SFT2D1: variants seen among roughly 807,000 people sequenced by gnomAD.
The protein encoded by SFT2D1 is SFT2 domain containing 1, also known as vesicle transport protein SFT2A.
A neutral mutation model predicts 28.1 loss-of-function variants in SFT2D1; 24 were observed. The ratio of observed to expected loss-of-function variants is 0.85; its 90% CI spans 0.62 to 1.20. The LOEUF (loss-of-function observed/expected upper bound fraction) is 1.20. SFT2D1 is among the 50% of genes most tolerant of loss of function. The pLI is 0.00. For missense variants in SFT2D1, 181 were observed against 190.9 expected, an observed-to-expected ratio of 0.95 and a Z score of 0.31; for synonymous variants, 82 against 73.7, an observed-to-expected ratio of 1.11 and a Z score of -0.58.
chr6:166,342,518 T>G lies in SFT2D1; in HGVS notation c.-37A>C, dbSNP rs1400312376. On this transcript the variant is annotated 5_prime_UTR_variant, in exon 1 of 8. Transcript: ENST00000361731. ...AGGGCCGTAGCGGCCGCCACTCTGT[T>G]GCCTGCCCCTGACGCCCACCAGGAA... The G allele has an allele frequency of 6.6e-7, 1 of 1,514,348 alleles. No homozygotes were observed. Among genetic ancestry groups the G allele is most frequent in the Non-Finnish European group, 9.0e-7 (1 of 1,116,736 alleles). 93.8% of individuals were successfully genotyped at this position (1,514,348 alleles called of 1,614,324 possible). A position where few individuals can be genotyped will look rare whatever the true frequency, so the allele number is the denominator to read the frequency against.
intron 1 of SFT2D1, among the ~76,000 whole-genome samples, chr6:166,331,126 G>A (rs1205494264): frequency 6.6e-6 from 1 of 152,170 alleles, no homozygotes; most frequent in African/African-American, 2.4e-5. Context: ...CAGTAGTGGT[G>A]AAATAAACAC....
At chr6:166,337,511 G>T (rs916015265) in intron 1 of SFT2D1, among the ~76,000 whole-genome samples, 3 of 151,986 alleles carry the variant, frequency 2.0e-5, no homozygotes, top group Admixed American at 1.3e-4. Context: ...CTCCTGCTTG[G>T]GGTCTCCTCT....
intron 4 of SFT2D1, among the ~76,000 whole-genome samples, chr6:166,326,386 A>G (rs181876300): frequency 6.6e-6 from 1 of 152,244 alleles, no homozygotes. Flanking sequence ...CTAATAATTT[A>G]ATCTGTTAAG....
chr6:166,321,418 G>C (rs930398591), intron 7 of SFT2D1, among the ~76,000 whole-genome samples: 5 of 152,270 alleles, frequency 3.3e-5, no homozygotes, highest in Non-Finnish European at 7.3e-5. Context: ...ATCACGTCTA[G>C]AGGTCCTTTC....
At position 166,342,460 on chromosome 6, in the gene SFT2D1, G is replaced by A. The variant is rs1016002176; in HGVS notation, c.22C>T (p.Leu8=). 2.6e-6 allele frequency: 4 copies of A among 1,558,022 alleles called. No individual in the cohort carries two copies. The highest frequency in any genetic ancestry group is 2.6e-6 in the Non-Finnish European group (3 of 1,151,668). The change falls in exon 1 of 8, where the codon CTG becomes TTG. Residue 8 remains leucine, a synonymous_variant. Transcript: ENST00000361731. MEKLRRV[L]SGQDDEEQGL... is the part of the protein sequence containing the mutation. ...TGCTCCTCGTCGTCCTGGCCGCTCA[G>A]GACTCGCCGCAGCTTCTCCATGGCC... is the stretch of plus-strand genomic sequence containing the variant.
At chr6:166,336,201 G>A (rs1778647435) in intron 1 of SFT2D1, among the ~76,000 whole-genome samples, 1 of 152,062 alleles carries the variant, frequency 6.6e-6, no homozygotes. Flanking sequence ...GTTCTACTTG[G>A]AACTTATTTA....
At chr6:166,338,488 G>A (rs971674037) in intron 1 of SFT2D1, among the ~76,000 whole-genome samples, 1 of 152,164 alleles carries the variant, frequency 6.6e-6, no homozygotes, top group African/African-American at 2.4e-5. Context: ...CAGAGTAACT[G>A]GGTCAGGAAG....
At chr6:166,337,265 T>C (rs10455978) in intron 1 of SFT2D1, among the ~76,000 whole-genome samples, 42,147 of 152,006 alleles carry the variant, frequency 0.28, 6,311 homozygotes, top group African/African-American at 0.39. Flanking sequence ...GGCACACGCC[T>C]GGCACAGTGG....
chr6:166,319,884 T>C lies in SFT2D1; in HGVS notation c.*333A>G, dbSNP rs1157394340. ...ATTTTTTAAAAGCAAAAAAGTTTAATTATCTTGCAGCACAGGTCTACCTTT... is the reference window on the plus strand; with the variant it reads ...ATTTTTTAAAAGCAAAAAAGTTTAACTATCTTGCAGCACAGGTCTACCTTT... On this transcript the variant is annotated 3_prime_UTR_variant, in exon 8 of 8. Transcript: ENST00000361731. 1 of 183,620 alleles carries C rather than the reference T, an allele frequency of 5.4e-6. No homozygotes were observed. The highest frequency in any genetic ancestry group is 1.3e-4 in the East Asian group (1 of 7,482). 11.4% of individuals were successfully genotyped at this position (183,620 alleles called of 1,614,324 possible). A position where few individuals can be genotyped will look rare whatever the true frequency, so the allele number is the denominator to read the frequency against.
intron 1 of SFT2D1, among the ~76,000 whole-genome samples, chr6:166,334,237 T>C (rs1778604239): frequency 2.0e-5 from 3 of 152,224 alleles, no homozygotes; most frequent in Admixed American, 2.0e-4. Context: ...GCTATGTGCC[T>C]GTTCTAAGTG....
chr6:166,334,108 TC>T (rs2114907530), intron 1 of SFT2D1, among the ~76,000 whole-genome samples: 1 of 152,324 alleles, frequency 6.6e-6, no homozygotes, highest in South Asian at 2.1e-4. Flanking sequence ...AAACATGAAG[TC>T]CCTTCCATCT....
intron 1 of SFT2D1, chr6:166,335,501 G>A (rs1258509328): frequency 4.0e-6 from 2 of 495,962 alleles, no homozygotes; most frequent in Non-Finnish European, 7.8e-6. Context: ...AAACCAAGGT[G>A]GCTACGGTGG....
At chr6:166,335,682 G>A (rs920621507) in intron 1 of SFT2D1, among the ~76,000 whole-genome samples, 1 of 149,068 alleles carries the variant, frequency 6.7e-6, no homozygotes, top group African/African-American at 2.5e-5. Context: ...GGCATAAATG[G>A]GTTCACAAAA....
At chr6:166,321,110 C>CA (rs996031345) in intron 7 of SFT2D1, among the ~76,000 whole-genome samples, 67 of 122,820 alleles carry the variant, frequency 5.5e-4, no homozygotes, top group South Asian at 1.0e-3. Flanking sequence ...GACTCCATCT[C>CA]AAAAAAAAAA....
At chr6:166,333,950 T>C (rs1778597836) in intron 1 of SFT2D1, among the ~76,000 whole-genome samples, 1 of 152,156 alleles carries the variant, frequency 6.6e-6, no homozygotes, top group African/African-American at 2.4e-5. Flanking sequence ...CCCATGCTCT[T>C]GTCCTTTCCT....
chr6:166,322,462 C>T (rs1412503207), intron 7 of SFT2D1, among the ~76,000 whole-genome samples: 1 of 151,850 alleles, frequency 6.6e-6, no homozygotes, highest in East Asian at 2.0e-4. Flanking sequence ...GAGGCTGAGG[C>T]GGTAGGATCA....
At chr6:166,342,305 G>T in intron 1 of SFT2D1, 114 bp downstream of exon 1, 1 of 878,700 alleles carries the variant, frequency 1.1e-6, no homozygotes, top group Non-Finnish European at 1.7e-6. Flanking sequence ...AACCAGCCGG[G>T]CAGAGGAGTC....
chr6:166,330,743 T>A (rs1778534968), intron 1 of SFT2D1, among the ~76,000 whole-genome samples: 1 of 152,166 alleles, frequency 6.6e-6, no homozygotes, highest in Non-Finnish European at 1.5e-5. Flanking sequence ...TCAGTGCAAG[T>A]CCTGCTGGAG....
At chr6:166,328,571 T>C (rs1350601845) in intron 3 of SFT2D1, among the ~76,000 whole-genome samples, 2 of 152,164 alleles carry the variant, frequency 1.3e-5, no homozygotes, top group East Asian at 3.9e-4. Flanking sequence ...AATGTAAGTG[T>C]CTTCAGTGTG....
Sources: gnomAD v4.1 joint callset for allele counts (sites outside exome capture counted in the v4.1 genomes callset) on GRCh38, gnomAD v4.1.1 for gene constraint, MANE v1.5 for transcripts, NCBI Gene and HGNC (gene_info 2026-07-23, HGNC 2026-07-21) for gene names.